Variants in PARD3B observed in about 807,000 individuals in gnomAD.
The protein encoded by PARD3B is par-3 family cell polarity regulator beta.
PARD3B carries 103 observed loss-of-function variants against 130.2 expected under a neutral mutation model. That is an observed-to-expected ratio of 0.79 (90% CI 0.67 to 0.93). The LOEUF (loss-of-function observed/expected upper bound fraction) is 0.93. Among genes scored for constraint, PARD3B ranks in the 40% least tolerant of loss-of-function variants. The probability of loss-of-function intolerance (pLI) is 0.00; values close to 1 mark genes in which losing one functional copy is unlikely to be tolerated. For synonymous variants in PARD3B, 583 were observed against 553.2 expected (o/e 1.05, Z -0.76); for missense variants, 1,609 against 1,499.2 (o/e 1.07, Z -1.21).
intron 2 of PARD3B, among the ~76,000 whole-genome samples, chr2:204,704,844 C>A (rs2038060710): frequency 1.3e-5 from 2 of 151,654 alleles, no homozygotes; most frequent in Admixed American, 1.3e-4. Context: ...TGGTTCATTT[C>A]ATGCTTGGTA....
At chr2:204,976,487 G>A (rs554537529) in intron 3 of PARD3B, among the ~76,000 whole-genome samples, 1 of 151,644 alleles carries the variant, frequency 6.6e-6, no homozygotes, top group Non-Finnish European at 1.5e-5. Context: ...AGAGAATACT[G>A]TCTGCCACAT....
chr2:205,347,313 A>C (rs546759937), intron 18 of PARD3B, among the ~76,000 whole-genome samples: 1 of 152,284 alleles, frequency 6.6e-6, no homozygotes, highest in Admixed American at 6.5e-5. Context: ...TCTTCTTTAA[A>C]AAATAAAAAT....
intron 19 of PARD3B, among the ~76,000 whole-genome samples, chr2:205,403,721 G>A (rs1373711508): frequency 1.3e-5 from 2 of 152,132 alleles, no homozygotes; most frequent in Non-Finnish European, 1.5e-5. Flanking sequence ...AAGGTGATTC[G>A]TCAGCAGTCT....
At position 205,151,429 on chromosome 2, in the gene PARD3B, T is replaced by C. The variant is rs1575970186; in HGVS notation, c.1435-7293T>C. 2.0e-5 allele frequency among the ~76,000 whole-genome samples: 3 copies of C among 152,208 alleles called. No individual in the cohort carries two copies. In the South Asian group the frequency reaches 6.2e-4, roughly 32 times the overall value. On this transcript the variant is annotated intron_variant, in intron 10 of 22. Transcript: ENST00000406610. ...TTTGTAGGTCCCTAAGGACTTGCTT[T>C]ATGAATCTGGGTGCTCCTGTATTGG...
At chr2:205,164,822 T>TACACACACAC (rs71032448) in intron 11 of PARD3B, among the ~76,000 whole-genome samples, 12,829 of 147,176 alleles carry the variant, frequency 0.087, 577 homozygotes, top group East Asian at 0.11. Flanking sequence ...TATATATGTA[T>TACACACACAC]ACACACACAC....
At chr2:204,715,834 C>T (rs1043487172) in intron 2 of PARD3B, among the ~76,000 whole-genome samples, 34 of 152,266 alleles carry the variant, frequency 2.2e-4, no homozygotes, top group Admixed American at 1.8e-3. Context: ...CTTTGAGCTG[C>T]CATTCTACAT....
intron 19 of PARD3B, among the ~76,000 whole-genome samples, chr2:205,419,354 T>A (rs1160274874): frequency 6.6e-6 from 1 of 152,116 alleles, no homozygotes; most frequent in East Asian, 1.9e-4. Context: ...AGGCCCCCAC[T>A]AGCCATGTAA....
rs537153944 is a variant in PARD3B at position 204,830,711 on chromosome 2, G to A, written c.223-134441G>A. 3.9e-5 allele frequency among the ~76,000 whole-genome samples: 6 copies of A among 152,296 alleles called. No individual in the cohort carries two copies. The East Asian group carries it at 9.7e-4, about 25-fold the overall frequency. ...ATTCTCTCCTATCACTGTCTCTGAC[G>A]TGGGAATGAGACCAGTTCCTATGAT... On this transcript the variant is annotated intron_variant, in intron 2 of 22. Coordinates refer to ENST00000406610, the MANE Select transcript of PARD3B (RefSeq NM_001302769.2).
rs2033000196 is a variant in PARD3B at position 205,142,037 on chromosome 2, G to A, written c.1434+16300G>A. The stretch of plus-strand genomic sequence containing the variant: ...GTGGCATAAACATAAAAATGGAGTG[G>A]TCTCTGTTGCCCTTAAAGTCCTTAA... On this transcript the variant is annotated intron_variant, in intron 10 of 22. Transcript: ENST00000406610. The surrounding 1 kb of genome is among the most constrained non-coding windows in gnomAD (Gnocchi z 4.3). Among the ~76,000 whole-genome samples, 1 of 152,170 alleles carries A rather than the reference G, an allele frequency of 6.6e-6. No homozygotes were observed. Among genetic ancestry groups the A allele is most frequent in the African/African-American group, 2.4e-5 (1 of 41,440 alleles).
chr2:205,335,422 G>C (rs909965960), intron 18 of PARD3B, among the ~76,000 whole-genome samples: 1 of 152,136 alleles, frequency 6.6e-6, no homozygotes, highest in Non-Finnish European at 1.5e-5. Flanking sequence ...TCTCTTTTCT[G>C]TGTGTGTCTA....
rs1411700257 is a variant in PARD3B, at chr2:204,675,791, A to ATTT, written c.121-10387_121-10385dup. 2.6e-5 allele frequency among the ~76,000 whole-genome samples: 4 copies of ATTT among 152,298 alleles called. No individual in the cohort carries two copies. In the East Asian group the frequency reaches 7.7e-4, roughly 29 times the overall value. ...GAAATATATGTCTCAATACTTAAAT[A>ATTT]TTTTTCTATTTGAAAAAGGGAATAA... is the stretch of plus-strand genomic sequence containing the variant. On this transcript the variant is annotated intron_variant, in intron 1 of 22. Transcript: ENST00000406610. The surrounding 1 kb of genome is among the most constrained non-coding windows in gnomAD (Gnocchi z 4.4).
chr2:205,440,725 C>A lies in PARD3B; in HGVS notation c.3044+53C>A. 2.0e-6 allele frequency: 3 copies of A among 1,518,822 alleles called. No individual in the cohort carries two copies. Among genetic ancestry groups the A allele is most frequent in the Non-Finnish European group, 2.7e-6 (3 of 1,103,214 alleles). The allele number at this position is 1,518,822 out of a possible 1,614,324, so 94.1% of individuals were successfully genotyped here. A position where few individuals can be genotyped will look rare whatever the true frequency, so the allele number is the denominator to read the frequency against. ...AGCTTTAATTCAGTATGTTTCAAAT[C>A]ATCTCTACTGCTGAAACCGATAAAA... On this transcript the variant is annotated intron_variant, in intron 20 of 22. Transcript: ENST00000406610. The surrounding 1 kb of genome is among the most constrained non-coding windows in gnomAD (Gnocchi z 4.2).
intron 2 of PARD3B, among the ~76,000 whole-genome samples, chr2:204,803,770 CGAA>C (rs1347369600): frequency 6.6e-6 from 1 of 151,900 alleles, no homozygotes; most frequent in Non-Finnish European, 1.5e-5. Flanking sequence ...TTCACTAAAA[CGAA>C]GACAGGAAGG....
At position 205,292,349 on chromosome 2, in the gene PARD3B, C is replaced by G. The variant is rs555753839; in HGVS notation, c.2186-8181C>G. Among the ~76,000 whole-genome samples, 1 of 152,280 alleles carries G rather than the reference C, an allele frequency of 6.6e-6. No homozygotes were observed. Among genetic ancestry groups the G allele is most frequent in the African/African-American group, 2.4e-5 (1 of 41,562 alleles). ...GCATCCATGGACCAGGAAGCAGGCC[C>G]TCACCAGACACCAAATCTGTCAGCA... is the stretch of plus-strand genomic sequence containing the variant. On this transcript the variant is annotated intron_variant, in intron 16 of 22. Transcript: ENST00000406610. This position sits in a 1 kb window ranked among gnomAD's most constrained non-coding sequence, Gnocchi z 5.3.
chr2:205,305,880 C>A (rs180911648), intron 18 of PARD3B, among the ~76,000 whole-genome samples: 12 of 152,208 alleles, frequency 7.9e-5, no homozygotes, highest in African/African-American at 2.4e-4. Context: ...ATAATAATGA[C>A]CCCTGAAGGT....
At chr2:204,957,298 A>T (rs544199391) in intron 2 of PARD3B, among the ~76,000 whole-genome samples, 1 of 152,304 alleles carries the variant, frequency 6.6e-6, no homozygotes, top group East Asian at 1.9e-4. Flanking sequence ...TGGTTATTTA[A>T]TAGGGCATAT....
intron 4 of PARD3B, among the ~76,000 whole-genome samples, chr2:205,077,773 G>C (rs1701161325): frequency 6.6e-6 from 1 of 152,060 alleles, no homozygotes; most frequent in South Asian, 2.1e-4. Flanking sequence ...GAACACATGA[G>C]CATTAAGAAA....
chr2:204,560,512 C>T (rs2031238687), intron 1 of PARD3B, among the ~76,000 whole-genome samples: 1 of 148,466 alleles, frequency 6.7e-6, no homozygotes, highest in Admixed American at 6.8e-5. Context: ...TGTACGTGGC[C>T]AGGGGTTTGA....
intron 21 of PARD3B, among the ~76,000 whole-genome samples, chr2:205,539,845 TTAGATGTGACTCAGGTG>T (rs2052043854): frequency 2.0e-5 from 3 of 151,864 alleles, no homozygotes; most frequent in African/African-American, 7.3e-5. Flanking sequence ...CCAAGTACGG[TTAGATGTGACTCAGGTG>T]AAGTTTTTTC....
Sources: allele counts gnomAD v4.1 joint callset (sites outside exome capture counted in the v4.1 genomes callset), GRCh38; gene constraint gnomAD v4.1.1; non-coding constraint Gnocchi (gnomAD v3.1); transcripts MANE v1.5; gene names NCBI Gene and HGNC (gene_info 2026-07-23, HGNC 2026-07-21).